SMURF2: variants seen among roughly 807,000 people sequenced by gnomAD.
The protein encoded by SMURF2 is E3 ubiquitin-protein ligase SMURF2.
Under a neutral mutation model 109.6 loss-of-function variants are expected in SMURF2, and 48 were observed. The observed-to-expected ratio is 0.44, with a 90% CI of 0.35 to 0.56. SMURF2 has a LOEUF of 0.56. SMURF2 is among the 20% of genes least tolerant of loss of function. The probability of loss-of-function intolerance (pLI) is 0.01; values close to 1 mark genes in which losing one functional copy is unlikely to be tolerated. For synonymous variants in SMURF2, 288 were observed against 317.1 expected, an observed-to-expected ratio of 0.91 and a Z score of 0.97; for missense variants, 575 against 909.0, an observed-to-expected ratio of 0.63 and a Z score of 4.72.
At chr17:64,595,977 A>G (rs1187292956) in intron 3 of SMURF2, among the ~76,000 whole-genome samples, 3 of 152,066 alleles carry the variant, frequency 2.0e-5, no homozygotes, top group African/African-American at 7.2e-5. Flanking sequence ...CAACCACGAG[A>G]CCCTTGAGGA....
chr17:64,638,764 T>A (rs1051882955), intron 1 of SMURF2, among the ~76,000 whole-genome samples: 5 of 152,192 alleles, frequency 3.3e-5, no homozygotes, highest in Non-Finnish European at 7.3e-5. Flanking sequence ...CTATGCACGT[T>A]TATGTCACAA....
At chr17:64,556,118 T>TA in intron 13 of SMURF2, 120 bp from the exon 14 acceptor site, 2 of 692,204 alleles carry the variant, frequency 2.9e-6, no homozygotes. Context: ...TACTCTTCAA[T>TA]AGAGTCAGGA....
At chr17:64,600,607 A>C (rs1555688470) in intron 2 of SMURF2, among the ~76,000 whole-genome samples, 1 of 152,236 alleles carries the variant, frequency 6.6e-6, no homozygotes, top group East Asian at 1.9e-4. Context: ...TTAGGCGTTA[A>C]GTTTCAAAGA....
At chr17:64,646,731 AT>A (rs1216658549) in intron 1 of SMURF2, among the ~76,000 whole-genome samples, 1 of 152,164 alleles carries the variant, frequency 6.6e-6, no homozygotes, top group Non-Finnish European at 1.5e-5. Context: ...AAGTCCTTCA[AT>A]TTTGTTGAAA....
intron 6 of SMURF2, among the ~76,000 whole-genome samples, chr17:64,584,586 T>C (rs576230530): frequency 5.1e-4 from 77 of 152,042 alleles, no homozygotes; most frequent in Non-Finnish European, 4.4e-5. Flanking sequence ...CTTGATCTCT[T>C]GACCATGTAG....
At chr17:64,595,654 TA>T (rs1307590185) in intron 3 of SMURF2, among the ~76,000 whole-genome samples, 1 of 152,210 alleles carries the variant, frequency 6.6e-6, no homozygotes, top group Non-Finnish European at 1.5e-5. Flanking sequence ...CTTAGCCAAT[TA>T]AAGGCAAGGG....
In SMURF2 at chr17:64,661,886, CGGCGGCGGGGGCGGCGGG is replaced by C. The variant is rs544040158; in HGVS notation, c.-24_-7del. ...CGGCCTCCGGGGTTAGACATGTCCC[CGGCGGCGGGGGCGGCGGG>C]GGCGGCGGGCGGCACGGGGGCGACG... On this transcript the variant is annotated 5_prime_UTR_variant, in exon 1 of 19. Coordinates refer to ENST00000262435, the MANE Select transcript of SMURF2 (RefSeq NM_022739.4). 1.5e-5 allele frequency: 18 copies of C among 1,202,344 alleles called. No homozygotes were observed. The East Asian group carries it at 4.7e-4, about 32-fold the overall frequency. The allele number at this position is 1,202,344 out of a possible 1,614,324, so 74.5% of individuals were successfully genotyped here.
intron 12 of SMURF2, among the ~76,000 whole-genome samples, chr17:64,560,373 C>T (rs1555684424): frequency 6.6e-6 from 1 of 152,074 alleles, no homozygotes; most frequent in Admixed American, 6.5e-5. Flanking sequence ...CTGTCAAGTC[C>T]TAAGTATGAT....
intron 2 of SMURF2, among the ~76,000 whole-genome samples, chr17:64,600,883 G>A (rs1396310677): frequency 6.6e-6 from 1 of 151,946 alleles, no homozygotes; most frequent in Non-Finnish European, 1.5e-5. Context: ...CTTTCCCTTT[G>A]GGTGTTATTA....
At chr17:64,657,628 C>T (rs1970722183) in intron 1 of SMURF2, among the ~76,000 whole-genome samples, 1 of 151,406 alleles carries the variant, frequency 6.6e-6, no homozygotes, top group Admixed American at 6.6e-5. Context: ...TCACCTGAGC[C>T]GGGAGGTCAA....
intron 2 of SMURF2, among the ~76,000 whole-genome samples, chr17:64,604,667 C>T (rs1422355987): frequency 2.6e-5 from 4 of 151,950 alleles, no homozygotes; most frequent in Non-Finnish European, 5.9e-5. Context: ...TCCTCTCAGC[C>T]GGGCGCGATG....
chr17:64,569,647 A>C (rs1417718923), intron 10 of SMURF2, among the ~76,000 whole-genome samples: 1 of 152,260 alleles, frequency 6.6e-6, no homozygotes, highest in East Asian at 1.9e-4. Context: ...ATGGGAAACC[A>C]TTAAACATCA....
intron 11 of SMURF2, among the ~76,000 whole-genome samples, chr17:64,562,144 T>G (rs1189825032): frequency 6.6e-6 from 1 of 150,694 alleles, no homozygotes; most frequent in Non-Finnish European, 1.5e-5. Flanking sequence ...AATACAAAAA[T>G]TAGCTGAGCG....
intron 1 of SMURF2, among the ~76,000 whole-genome samples, chr17:64,648,836 T>C (rs1315022142): frequency 6.6e-6 from 1 of 152,178 alleles, no homozygotes; most frequent in Non-Finnish European, 1.5e-5. Context: ...ATGTTAGAGA[T>C]GGTATTTTGA....
intron 1 of SMURF2, among the ~76,000 whole-genome samples, chr17:64,643,526 A>G (rs1270881409): frequency 2.0e-5 from 3 of 152,136 alleles, no homozygotes; most frequent in Non-Finnish European, 2.9e-5. Flanking sequence ...ATCGGGTTCA[A>G]TAAATGAGAA....
chr17:64,573,337 AATT>A (rs1181713479), intron 9 of SMURF2, among the ~76,000 whole-genome samples: 50 of 151,826 alleles, frequency 3.3e-4, no homozygotes, highest in African/African-American at 1.2e-3. Flanking sequence ...TGTAACAGAT[AATT>A]ATAAGTAATC....
At chr17:64,548,034 A>G (rs1968983710) in intron 16 of SMURF2, among the ~76,000 whole-genome samples, 1 of 152,218 alleles carries the variant, frequency 6.6e-6, no homozygotes, top group Non-Finnish European at 1.5e-5. Flanking sequence ...AAAAAGCTCC[A>G]GAGATATCTA....
intron 3 of SMURF2, among the ~76,000 whole-genome samples, chr17:64,593,790 C>G (rs1190631933): frequency 6.6e-6 from 1 of 152,132 alleles, no homozygotes; most frequent in African/African-American, 2.4e-5. Flanking sequence ...CACTCTCAAG[C>G]TGGGCTATAA....
chr17:64,639,686 G>A (rs1970469363), intron 1 of SMURF2, among the ~76,000 whole-genome samples: 1 of 152,148 alleles, frequency 6.6e-6, no homozygotes, highest in Non-Finnish European at 1.5e-5. Flanking sequence ...CATGGGACTT[G>A]GAGAAGACAC....
Sources: gnomAD v4.1 joint callset for allele counts (sites outside exome capture counted in the v4.1 genomes callset) on GRCh38, gnomAD v4.1.1 for gene constraint, MANE v1.5 for transcripts, NCBI Gene and HGNC (gene_info 2026-07-23, HGNC 2026-07-21) for gene names.